CASP8: variants seen among roughly 807,000 people sequenced by gnomAD.
CASP8 encodes the protein caspase-8.
CASP8 carries 24 observed loss-of-function variants against 46.3 expected under a neutral mutation model. The observed-to-expected ratio is 0.52, with a 90% CI of 0.38 to 0.73. The LOEUF is 0.73. Among genes scored for constraint, CASP8 ranks in the 30% least tolerant of loss-of-function variants. The pLI is 0.00. For missense variants in CASP8, 460 were observed against 559.0 expected (o/e 0.82, Z 1.79); for synonymous variants, 188 against 200.4 (o/e 0.94, Z 0.52).
intron 1 of CASP8, among the ~76,000 whole-genome samples, chr2:201,264,847 A>G (rs1454230708): frequency 6.6e-6 from 1 of 152,130 alleles, no homozygotes; most frequent in Non-Finnish European, 1.5e-5. Flanking sequence ...AAAAATAAGA[A>G]TAAAAAATAA....
At chr2:201,245,655 T>G (rs1205541518) in intron 2 of CASP8, among the ~76,000 whole-genome samples, 1 of 152,160 alleles carries the variant, frequency 6.6e-6, no homozygotes, top group East Asian at 1.9e-4. Context: ...GGACCACCAG[T>G]GTAGCCTGCC....
In CASP8 at chr2:201,286,808, A is replaced by C. The variant is rs545110539; in HGVS notation, c.*214A>C. The C allele has an allele frequency of 1.6e-5, 7 of 447,516 alleles. No homozygotes were observed. The highest frequency in any genetic ancestry group is 2.9e-5 in the Non-Finnish European group (7 of 241,480). 27.7% of individuals were successfully genotyped at this position (447,516 alleles called of 1,614,324 possible). On this transcript the variant is annotated 3_prime_UTR_variant, in exon 9 of 9. Coordinates refer to ENST00000673742, the MANE Select transcript of CASP8 (RefSeq NM_001372051.1). ...TTTTTTAAAAATATTTTTAGTAGAG[A>C]CAGGGTTTCACTGTGTTAGCCAGGG...
At chr2:201,267,348 A>G (rs755832004) in intron 2 of CASP8, among the ~76,000 whole-genome samples, 2 of 152,040 alleles carry the variant, frequency 1.3e-5, no homozygotes, top group African/African-American at 4.8e-5. Flanking sequence ...AAAATTTTCA[A>G]TGAGATTTAA....
intron 2 of CASP8, among the ~76,000 whole-genome samples, chr2:201,267,312 C>T (rs917341081): frequency 6.6e-6 from 1 of 152,116 alleles, no homozygotes; most frequent in African/African-American, 2.4e-5. Flanking sequence ...TGAAATCCCC[C>T]TCCCACCTGC....
At chr2:201,269,695 A>G in intron 2 of CASP8, 1 of 858,230 alleles carries the variant, frequency 1.2e-6, no homozygotes, top group Non-Finnish European at 1.9e-6. Context: ...TTATCATTGA[A>G]TACTAGCCAG....
intron 2 of CASP8, among the ~76,000 whole-genome samples, chr2:201,252,928 G>T (rs1307025181): frequency 6.6e-6 from 1 of 152,158 alleles, no homozygotes; most frequent in East Asian, 1.9e-4. Flanking sequence ...TTTACAGAAA[G>T]TGAGGAGTGA....
intron 1 of CASP8, chr2:201,233,736 A>G (rs951799652): frequency 2.0e-5 from 3 of 152,268 alleles, no homozygotes; most frequent in Non-Finnish European, 4.4e-5. Flanking sequence ...AGGTATTTAG[A>G]GTCCTCAGCA....
At chr2:201,258,068 T>C (rs1396478891), upstream of CASP8, 1 of 746,994 alleles carries the variant, frequency 1.3e-6, no homozygotes, top group Non-Finnish European at 2.3e-6. Flanking sequence ...GAGTAAAGTT[T>C]ACCCTGCAGT....
chr2:201,266,911 A>T lies in CASP8; in HGVS notation c.305+120A>T, dbSNP rs1382522158. The T allele has an allele frequency of 1.5e-6, 1 of 668,578 alleles. No homozygotes were observed. Among genetic ancestry groups the T allele is most frequent in the African/African-American group, 1.8e-5 (1 of 55,052 alleles). The allele number at this position is 668,578 out of a possible 1,614,324, so 41.4% of individuals were successfully genotyped here. On this transcript the variant is annotated intron_variant, in intron 2 of 8. Coordinates refer to ENST00000673742, the MANE Select transcript of CASP8 (RefSeq NM_001372051.1). This position sits in a 1 kb window ranked among gnomAD's most constrained non-coding sequence, Gnocchi z 5.7. ...TGCCTGGGAACCCAGCAGTGCCACA[A>T]TTCTAAGCTTCTACAGAAAGACAGT...
At chr2:201,262,281 G>A (rs892855731) in intron 1 of CASP8, 1 of 152,000 alleles carries the variant, frequency 6.6e-6, no homozygotes, top group East Asian at 1.9e-4. Flanking sequence ...TTCTTCAGAG[G>A]CTTTTAGTGA....
chr2:201,260,059 T>C (rs1342066139), upstream of CASP8, among the ~76,000 whole-genome samples: 1 of 151,674 alleles, frequency 6.6e-6, no homozygotes, highest in East Asian at 1.9e-4. Flanking sequence ...AGATGCTCCT[T>C]GGCTAAACCA....
At chr2:201,236,884 G>T (rs1456906329) in intron 2 of CASP8, among the ~76,000 whole-genome samples, 2 of 152,214 alleles carry the variant, frequency 1.3e-5, no homozygotes, top group African/African-American at 4.8e-5. Flanking sequence ...GAGATGACAG[G>T]CGTGGGCCAC....
intron 2 of CASP8, among the ~76,000 whole-genome samples, chr2:201,243,631 CA>C (rs1279816545): frequency 7.9e-5 from 12 of 152,244 alleles, no homozygotes; most frequent in Non-Finnish European, 1.5e-5. Context: ...ATGCCCAAAT[CA>C]AAAATCATAT....
rs945360409 is a variant in CASP8, at chr2:201,234,499, G to A, written c.-27+387G>A. ...GAGTCTTGCTCTGTCGCCTAGCCTGGAGTGCAGTGGCGCGATCTCAGCTCA... is the reference window on the plus strand; with the variant it reads ...GAGTCTTGCTCTGTCGCCTAGCCTGAAGTGCAGTGGCGCGATCTCAGCTCA... On this transcript the variant is annotated intron_variant, in intron 2 of 6. Transcript: ENST00000264274. Among the ~76,000 whole-genome samples, 6 of 152,038 alleles carry A rather than the reference G, an allele frequency of 3.9e-5. No homozygotes were observed. The East Asian group carries it at 1.2e-3, about 29-fold the overall frequency.
chr2:201,278,551 T>G (rs992619025), intron 7 of CASP8, among the ~76,000 whole-genome samples: 2 of 152,020 alleles, frequency 1.3e-5, no homozygotes, highest in African/African-American at 4.8e-5. Context: ...TTTTTTTTTT[T>G]TTTGAGGCAG....
chr2:201,256,725 T>C (rs1052385011), upstream of CASP8, among the ~76,000 whole-genome samples: 1 of 152,178 alleles, frequency 6.6e-6, no homozygotes, highest in Non-Finnish European at 1.5e-5. Flanking sequence ...TACCCTGAAT[T>C]AGAGAATTCT....
At chr2:201,243,790 G>A (rs1417054623) in intron 2 of CASP8, among the ~76,000 whole-genome samples, 1 of 152,150 alleles carries the variant, frequency 6.6e-6, no homozygotes, top group Non-Finnish European at 1.5e-5. Flanking sequence ...TAACAGCATG[G>A]CTGTCCCGAG....
intron 2 of CASP8, chr2:201,269,495 C>T (rs749554709): frequency 1.2e-6 from 2 of 1,601,588 alleles, no homozygotes; most frequent in African/African-American, 1.3e-5. Context: ...TGCCCACCAT[C>T]TTGGTCCTTT....
intron 2 of CASP8, among the ~76,000 whole-genome samples, chr2:201,235,592 A>C (rs1946014559): frequency 6.6e-6 from 1 of 152,192 alleles, no homozygotes; most frequent in Non-Finnish European, 1.5e-5. Context: ...TAGTAATTGC[A>C]CTTGAGTTGT....
Sources: allele counts gnomAD v4.1 joint callset (sites outside exome capture counted in the v4.1 genomes callset), GRCh38; gene constraint gnomAD v4.1.1; non-coding constraint Gnocchi (gnomAD v3.1); transcripts MANE v1.5; gene names NCBI Gene and HGNC (gene_info 2026-07-23, HGNC 2026-07-21).